Variants in SP140L observed in about 807,000 individuals in gnomAD.
The protein encoded by SP140L is nuclear body protein SP140-like protein.
SP140L carries 64 observed loss-of-function variants against 84.3 expected under a neutral mutation model. The observed-to-expected ratio is 0.76, with a 90% CI of 0.62 to 0.94. SP140L has a LOEUF of 0.94. Among genes scored for constraint, SP140L ranks in the 40% least tolerant of loss-of-function variants. The pLI, the probability that SP140L is intolerant of heterozygous loss-of-function variation, is 0.00. For synonymous variants in SP140L, 242 were observed against 236.9 expected, an observed-to-expected ratio of 1.02 and a Z score of -0.20; for missense variants, 628 against 692.5, an observed-to-expected ratio of 0.91 and a Z score of 1.05.
intron 2 of SP140L, among the ~76,000 whole-genome samples, chr2:230,349,311 T>C (rs908790852): frequency 2.0e-5 from 3 of 152,200 alleles, no homozygotes; most frequent in African/African-American, 7.2e-5. Flanking sequence ...ATCTTCCAAC[T>C]TTTTTCTTCT....
In SP140L at chr2:230,392,132, C is replaced by T; in HGVS notation, c.1010C>T (p.Thr337Ile). Reference protein sequence around the residue: ...CIQTEDGKWFTPMEFEIKGGY... With the variant: ...CIQTEDGKWFIPMEFEIKGGY... ...CAGACTGAGGATGGAAAATGGTTCA[C>T]CCCCATGGAATTTGAAATCAAAGGA... Residue 337 changes from threonine (T) to isoleucine (I), a missense_variant, in exon 12 of 19, where the codon ACC (threonine) becomes ATC (isoleucine). Transcript: ENST00000415673. The T allele has an allele frequency of 6.2e-7, 1 of 1,613,950 alleles. No individual in the cohort carries two copies. Among genetic ancestry groups the T allele is most frequent in the Admixed American group, 1.7e-5 (1 of 59,996 alleles).
chr2:230,359,943 T>C (rs2060662168), intron 4 of SP140L, among the ~76,000 whole-genome samples: 1 of 131,862 alleles, frequency 7.6e-6, no homozygotes, highest in South Asian at 2.2e-4. Flanking sequence ...GTATTGGTGC[T>C]ATACCAAACT....
intron 7 of SP140L, among the ~76,000 whole-genome samples, chr2:230,381,958 T>C (rs955652235): frequency 3.3e-5 from 5 of 152,162 alleles, no homozygotes; most frequent in Non-Finnish European, 5.9e-5. Flanking sequence ...GGATGTACAT[T>C]TGTCAGGGGG....
intron 2 of SP140L, among the ~76,000 whole-genome samples, chr2:230,329,559 A>G (rs1323879209): frequency 2.0e-5 from 3 of 152,192 alleles, no homozygotes; most frequent in African/African-American, 7.2e-5. Context: ...AGCTTCTCCC[A>G]TGCTATTCTC....
intron 2 of SP140L, among the ~76,000 whole-genome samples, chr2:230,337,287 G>A (rs1218858538): frequency 6.6e-6 from 1 of 152,128 alleles, no homozygotes; most frequent in Non-Finnish European, 1.5e-5. Context: ...CTGCATAAAT[G>A]TCTTCTTTTG....
intron 3 of SP140L, among the ~76,000 whole-genome samples, chr2:230,358,571 G>A (rs2060618504): frequency 6.6e-6 from 1 of 152,114 alleles, no homozygotes; most frequent in African/African-American, 2.4e-5. Context: ...TAGTTTCTTT[G>A]AGCCCTTCAG....
intron 5 of SP140L, 122 bp downstream of exon 5, chr2:230,361,819 G>A: frequency 2.8e-6 from 2 of 717,962 alleles, no homozygotes; most frequent in Non-Finnish European, 2.3e-6. Context: ...AAGGACCATG[G>A]AGAAGTCAAG....
intron 2 of SP140L, among the ~76,000 whole-genome samples, chr2:230,354,721 A>G (rs1371599873): frequency 7.1e-6 from 1 of 141,806 alleles, no homozygotes; most frequent in Non-Finnish European, 1.5e-5. Context: ...GCTGCCATGA[A>G]CTATGATTGT....
At chr2:230,398,829 G>A (rs1404753018) in intron 14 of SP140L, among the ~76,000 whole-genome samples, 1 of 152,234 alleles carries the variant, frequency 6.6e-6, no homozygotes, top group African/African-American at 2.4e-5. Context: ...GGCTGTGGAG[G>A]GTGGGCTGTC....
chr2:230,339,363 T>G (rs1159287719), intron 2 of SP140L, among the ~76,000 whole-genome samples: 1 of 151,768 alleles, frequency 6.6e-6, no homozygotes, highest in African/African-American at 2.4e-5. Context: ...CATTTTTTAT[T>G]GCGTCTATTT....
intron 15 of SP140L, 24 bp from the exon 16 acceptor site, chr2:230,400,931 G>C (rs1221004190): frequency 1.4e-6 from 2 of 1,463,794 alleles, no homozygotes; most frequent in Admixed American, 2.0e-5. Context: ...CCTGCCCTCT[G>C]CTCACCCATG....
At chr2:230,334,714 T>C (rs937010930) in intron 2 of SP140L, among the ~76,000 whole-genome samples, 6 of 114,532 alleles carry the variant, frequency 5.2e-5, no homozygotes, top group African/African-American at 1.9e-4. Context: ...TAAAATTATA[T>C]GTATATATAT....
chr2:230,364,500 T>A (rs2060810526), intron 5 of SP140L, among the ~76,000 whole-genome samples: 1 of 152,130 alleles, frequency 6.6e-6, no homozygotes, highest in South Asian at 2.1e-4. Flanking sequence ...TTTTGTATCC[T>A]GCAACTTTAC....
Position 230,403,472 on chromosome 2 carries a change from G to C in SP140L, c.*576G>C, listed in dbSNP as rs1313766873. ...CCGCCTTGGCCTCCCAAAGTGCTGG[G>C]ACGTGACAGGAGTGAGCCACCACAC... On this transcript the variant is annotated 3_prime_UTR_variant, in exon 19 of 19. Coordinates refer to ENST00000415673, the MANE Select transcript of SP140L (RefSeq NM_138402.6). 1.3e-5 allele frequency: 2 copies of C among 152,442 alleles called. No homozygotes were observed. Among genetic ancestry groups the C allele is most frequent in the Non-Finnish European group, 2.9e-5 (2 of 68,262 alleles). 9.4% of individuals were successfully genotyped at this position (152,442 alleles called of 1,614,324 possible).
intron 2 of SP140L, among the ~76,000 whole-genome samples, chr2:230,354,921 GA>G (rs1384699390): frequency 9.0e-6 from 1 of 110,592 alleles, no homozygotes; most frequent in Non-Finnish European, 2.0e-5. Flanking sequence ...GAAAGAAAAA[GA>G]AAGAAAAAAG....
In SP140L at chr2:230,392,184, G is replaced by T. The variant is rs2149810947; in HGVS notation, c.1062G>T (p.Arg354Ser). 1 of 1,614,100 alleles carries T rather than the reference G, an allele frequency of 6.2e-7. No individual in the cohort carries two copies. The highest frequency in any genetic ancestry group is 1.1e-5 in the South Asian group (1 of 91,090). ...GCTACGCAAGATCAAAGAACTGGAG[G>T]CTGAGTGTGCGCTGTGGCGGGTGGC... ...KGGYARSKNW[R>S]LSVRCGGWPL... The change falls in exon 12 of 19, where the codon AGG becomes AGT. Residue 354 changes from arginine to serine, a missense_variant. By Grantham distance (110) the Arg-to-Ser change is moderately radical. Coordinates refer to ENST00000415673, the MANE Select transcript of SP140L (RefSeq NM_138402.6).
rs1251175197 is a variant in SP140L at position 230,401,673 on chromosome 2, G to A, written c.1510G>A (p.Ala504Thr). 7.4e-7 allele frequency: 1 copy of A among 1,347,188 alleles called. No homozygotes were observed. Among genetic ancestry groups the A allele is most frequent in the African/African-American group, 1.6e-5 (1 of 63,992 alleles). The allele number at this position is 1,347,188 out of a possible 1,614,324, so 83.5% of individuals were successfully genotyped here. A position where few individuals can be genotyped will look rare whatever the true frequency, so the allele number is the denominator to read the frequency against. ...GTATATTTGTCACCAGATTAGAGAG[G>A]CGTGTCAAGGCCTGAAGGAGCCCAT... ...KIPYYYYIRE[A>T]CQGLKEPMWL... Residue 504 changes from alanine to threonine, a missense_variant, in exon 18 of 19, where the codon GCG becomes ACG. By Grantham distance (58) the Ala-to-Thr change is moderately conservative. This residue lies in a region of SP140L where 52 missense variants were observed against 87.0 expected (regional missense o/e 0.60). Coordinates refer to ENST00000415673, the MANE Select transcript of SP140L (RefSeq NM_138402.6).
At chr2:230,351,132 A>G (rs1189710616) in intron 2 of SP140L, among the ~76,000 whole-genome samples, 1 of 152,224 alleles carries the variant, frequency 6.6e-6, no homozygotes, top group Non-Finnish European at 1.5e-5. Flanking sequence ...GGTAGATTCC[A>G]AAAGCTGGAT....
At chr2:230,380,890 C>A (rs1237197173) in intron 7 of SP140L, among the ~76,000 whole-genome samples, 1 of 152,156 alleles carries the variant, frequency 6.6e-6, no homozygotes, top group African/African-American at 2.4e-5. Flanking sequence ...AACGTCACCT[C>A]AAGTATTTTC....
Sources: gnomAD v4.1 joint callset for allele counts (sites outside exome capture counted in the v4.1 genomes callset) on GRCh38, gnomAD v4.1.1 for gene constraint, gnomAD v4.1.1 regional missense constraint, MANE v1.5 for transcripts, NCBI Gene and HGNC (gene_info 2026-07-23, HGNC 2026-07-21) for gene names.